The following KCNB2 variants were observed in gnomAD, a reference collection of about 807,000 sequenced individuals.
The protein encoded by KCNB2 is potassium voltage-gated channel subfamily B member 2.
A neutral mutation model predicts 61.5 loss-of-function variants in KCNB2; 15 were observed. The observed-to-expected ratio is 0.24, with a 90% CI of 0.16 to 0.38. KCNB2 has a LOEUF of 0.38. KCNB2 is among the 10% of genes least tolerant of loss of function. The pLI is 1.00. For synonymous variants in KCNB2, 457 were observed against 446.0 expected, an observed-to-expected ratio of 1.02 and a Z score of -0.31; for missense variants, 828 against 1,125.2, an observed-to-expected ratio of 0.74 and a Z score of 3.78.
chr8:72,595,286 A>G (rs1383668554), intron 2 of KCNB2, among the ~76,000 whole-genome samples: 1 of 149,174 alleles, frequency 6.7e-6, no homozygotes, highest in East Asian at 2.0e-4. Context: ...CTGATTGCTA[A>G]TTCCTGAAAT....
At position 72,936,936 on chromosome 8, in the gene KCNB2, G is replaced by C; in HGVS notation, c.1581G>C (p.Thr527=). The C allele has an allele frequency of 1.2e-6, 2 of 1,614,134 alleles. No individual in the cohort carries two copies. The highest frequency in any genetic ancestry group is 1.7e-6 in the Non-Finnish European group (2 of 1,180,010). ...QKDSHEQLNN[T]SSSSPQHLSA... ...ACTCCCACGAGCAGCTGAACAACAC[G>C]TCTTCCTCCAGCCCACAGCATCTGA... is the stretch of plus-strand genomic sequence containing the variant. Residue 527 remains threonine, a synonymous_variant, in exon 3 of 3, where the codon ACG becomes ACC. Transcript: ENST00000523207. This position sits in a 1 kb window ranked among gnomAD's most constrained non-coding sequence, Gnocchi z 5.6.
intron 2 of KCNB2, among the ~76,000 whole-genome samples, chr8:72,657,536 A>G (rs1236870056): frequency 6.6e-6 from 1 of 152,160 alleles, no homozygotes; most frequent in East Asian, 1.9e-4. Context: ...TCTTGAAACT[A>G]GTAAAGGAAG....
chr8:72,639,861 C>G (rs949963506), intron 2 of KCNB2, among the ~76,000 whole-genome samples: 1 of 151,956 alleles, frequency 6.6e-6, no homozygotes, highest in Non-Finnish European at 1.5e-5. Flanking sequence ...CTGGAATTTT[C>G]CTGTAGCAGA....
At chr8:72,839,645 C>T (rs1367305225) in intron 2 of KCNB2, among the ~76,000 whole-genome samples, 3 of 128,442 alleles carry the variant, frequency 2.3e-5, no homozygotes, top group African/African-American at 6.0e-5. Flanking sequence ...CGGAGTCTCG[C>T]TCTGTCGCCC....
At chr8:72,736,361 G>C (rs1032619639) in intron 2 of KCNB2, among the ~76,000 whole-genome samples, 10 of 151,980 alleles carry the variant, frequency 6.6e-5, no homozygotes, top group African/African-American at 2.4e-4. Context: ...CTATTTTGAC[G>C]ATGGAGAACT....
intron 2 of KCNB2, among the ~76,000 whole-genome samples, chr8:72,706,907 G>T (rs1388532607): frequency 6.6e-6 from 1 of 152,184 alleles, no homozygotes; most frequent in Non-Finnish European, 1.5e-5. Flanking sequence ...GGTTTGTGCT[G>T]CTCATTGCCT....
intron 2 of KCNB2, among the ~76,000 whole-genome samples, chr8:72,631,677 T>A (rs929865907): frequency 6.6e-6 from 1 of 152,212 alleles, no homozygotes; most frequent in African/African-American, 2.4e-5. Flanking sequence ...TGTAATTAAA[T>A]TTTTAAATTG....
intron 2 of KCNB2, among the ~76,000 whole-genome samples, chr8:72,584,107 A>C (rs1179958007): frequency 6.8e-6 from 1 of 147,036 alleles, no homozygotes; most frequent in Non-Finnish European, 1.5e-5. Context: ...AAAACAAAAC[A>C]AAAAAAAACA....
intron 2 of KCNB2, among the ~76,000 whole-genome samples, chr8:72,631,891 C>T (rs185928604): frequency 3.4e-4 from 52 of 152,166 alleles, no homozygotes; most frequent in Non-Finnish European, 5.9e-4. Flanking sequence ...CAACTCAGCC[C>T]ACTGCCTTTT....
At chr8:72,824,271 A>T (rs192126161) in intron 2 of KCNB2, among the ~76,000 whole-genome samples, 1 of 152,094 alleles carries the variant, frequency 6.6e-6, no homozygotes, top group African/African-American at 2.4e-5. Context: ...AGGGAGTAAG[A>T]CTGCTCTTAT....
At chr8:72,786,054 G>GAA (rs200527792) in intron 2 of KCNB2, among the ~76,000 whole-genome samples, 2 of 122,010 alleles carry the variant, frequency 1.6e-5, no homozygotes, top group Admixed American at 8.1e-5. Flanking sequence ...ACCCAAAAAC[G>GAA]AAAAAAAAAA....
chr8:72,733,067 TAGAG>T (rs1416133069), intron 2 of KCNB2, among the ~76,000 whole-genome samples: 1 of 149,650 alleles, frequency 6.7e-6, no homozygotes, highest in African/African-American at 2.5e-5. Flanking sequence ...GAGGGGAAAA[TAGAG>T]AGAAGGTATG....
chr8:72,929,426 G>A (rs1000326183), intron 2 of KCNB2, among the ~76,000 whole-genome samples: 2 of 152,136 alleles, frequency 1.3e-5, no homozygotes, highest in African/African-American at 4.8e-5. Context: ...AATCATCCAG[G>A]TGATTCAAGG....
At chr8:72,827,784 G>A (rs1809619681) in intron 2 of KCNB2, among the ~76,000 whole-genome samples, 1 of 151,622 alleles carries the variant, frequency 6.6e-6, no homozygotes, top group South Asian at 2.1e-4. Context: ...ATATATGAGA[G>A]GAGAACAAGG....
At chr8:72,713,718 A>G (rs1253478425) in intron 2 of KCNB2, among the ~76,000 whole-genome samples, 3 of 152,224 alleles carry the variant, frequency 2.0e-5, no homozygotes, top group Non-Finnish European at 4.4e-5. Context: ...GAAAAAACAG[A>G]GCAGAAAAAC....
intron 2 of KCNB2, among the ~76,000 whole-genome samples, chr8:72,692,304 C>A (rs952355719): frequency 6.1e-5 from 9 of 147,688 alleles, no homozygotes; most frequent in Middle Eastern, 3.6e-3. Context: ...ATTGATTTTT[C>A]TATTAATTAA....
At chr8:72,667,873 A>G (rs1375005641) in intron 2 of KCNB2, among the ~76,000 whole-genome samples, 1 of 152,158 alleles carries the variant, frequency 6.6e-6, no homozygotes, top group Non-Finnish European at 1.5e-5. Flanking sequence ...AACCTTTAGA[A>G]CCTTCACGTC....
At chr8:72,787,045 T>C (rs1808855303) in intron 2 of KCNB2, among the ~76,000 whole-genome samples, 1 of 152,182 alleles carries the variant, frequency 6.6e-6, no homozygotes, top group Non-Finnish European at 1.5e-5. Context: ...GTACTCATCA[T>C]TTTTGCCTCT....
chr8:72,665,448 C>G (rs1448809926), intron 2 of KCNB2, among the ~76,000 whole-genome samples: 1 of 152,018 alleles, frequency 6.6e-6, no homozygotes, highest in Non-Finnish European at 1.5e-5. Context: ...TCCCTCCTAT[C>G]CCCATTTAAA....
Sources: allele counts gnomAD v4.1 joint callset (sites outside exome capture counted in the v4.1 genomes callset), GRCh38; gene constraint gnomAD v4.1.1; non-coding constraint Gnocchi (gnomAD v3.1); transcripts MANE v1.5; gene names NCBI Gene and HGNC (gene_info 2026-07-23, HGNC 2026-07-21).